Variants in USP37 observed in about 807,000 individuals in gnomAD.
USP37 encodes ubiquitin specific peptidase 37, also known as ubiquitin carboxyl-terminal hydrolase 37.
A neutral mutation model predicts 124.0 loss-of-function variants in USP37; 27 were observed. The observed-to-expected ratio is 0.22, with a 90% CI of 0.16 to 0.30. USP37 has a LOEUF of 0.30. Ranked by LOEUF, USP37 falls within the 10% of genes least tolerant of loss-of-function variation. The probability of loss-of-function intolerance (pLI) is 1.00; values close to 1 mark genes in which losing one functional copy is unlikely to be tolerated. For missense variants in USP37, 889 were observed against 1,140.4 expected, an observed-to-expected ratio of 0.78 and a Z score of 3.17; for synonymous variants, 365 against 388.0, an observed-to-expected ratio of 0.94 and a Z score of 0.70.
intron 4 of USP37, among the ~76,000 whole-genome samples, chr2:218,554,976 C>T (rs578051819): frequency 6.6e-6 from 1 of 152,136 alleles, no homozygotes; most frequent in Non-Finnish European, 1.5e-5. Flanking sequence ...AAGTTTCATT[C>T]AAAGATCATA....
chr2:218,565,817 G>T (rs1488513971), intron 1 of USP37, among the ~76,000 whole-genome samples: 1 of 152,194 alleles, frequency 6.6e-6, no homozygotes, highest in African/African-American at 2.4e-5. Context: ...GGGAGGCCGA[G>T]GCAGGTGGAT....
chr2:218,541,944 G>T (rs1260514121), intron 8 of USP37, among the ~76,000 whole-genome samples: 1 of 152,134 alleles, frequency 6.6e-6, no homozygotes, highest in Non-Finnish European at 1.5e-5. Flanking sequence ...GTTCTTCAGA[G>T]GACTGCATTT....
intron 5 of USP37, 72 bp from the exon 6 acceptor site, chr2:218,549,981 T>C (rs553423993): frequency 2.7e-6 from 3 of 1,130,736 alleles, no homozygotes; most frequent in African/African-American, 1.6e-5. Context: ...TTATCATTAT[T>C]ATTTTTATAT....
intron 20 of USP37, among the ~76,000 whole-genome samples, chr2:218,469,752 A>G (rs958241346): frequency 4.6e-5 from 7 of 152,164 alleles, no homozygotes; most frequent in Middle Eastern, 3.4e-3. Flanking sequence ...CCATGAAATA[A>G]TAATCCACTT....
At chr2:218,501,434 C>T (rs980201878) in intron 11 of USP37, among the ~76,000 whole-genome samples, 5 of 152,122 alleles carry the variant, frequency 3.3e-5, no homozygotes, top group African/African-American at 4.8e-5. Flanking sequence ...GAGAGAACTA[C>T]TGCTTCTGCT....
At chr2:218,494,652 T>A (rs1278346830) in intron 14 of USP37, among the ~76,000 whole-genome samples, 1 of 152,180 alleles carries the variant, frequency 6.6e-6, no homozygotes, top group Non-Finnish European at 1.5e-5. Context: ...TGTGTGAAAG[T>A]CATAGAAATA....
In USP37 at chr2:218,477,076, G is replaced by A. The variant is rs1479676051; in HGVS notation, c.1902-95C>T. 2.8e-5 allele frequency: 36 copies of A among 1,305,264 alleles called. No individual in the cohort carries two copies. In the South Asian group the frequency reaches 3.1e-4, roughly 11 times the overall value. The allele number at this position is 1,305,264 out of a possible 1,614,324, so 80.9% of individuals were successfully genotyped here. A position where few individuals can be genotyped will look rare whatever the true frequency, so the allele number is the denominator to read the frequency against. On this transcript the variant is annotated intron_variant, in intron 18 of 25. Transcript: ENST00000258399. ...TCAAAACAAATTGCTTTTCCATTAC[G>A]GAAAATTACTTAACAGAAAAAAAAG... is the stretch of plus-strand genomic sequence containing the variant.
intron 11 of USP37, among the ~76,000 whole-genome samples, chr2:218,503,497 C>A (rs1559191510): frequency 6.6e-6 from 1 of 152,154 alleles, no homozygotes; most frequent in Non-Finnish European, 1.5e-5. Context: ...GGGCAGATCA[C>A]CTGAGGTCAG....
intron 14 of USP37, among the ~76,000 whole-genome samples, chr2:218,488,854 C>T (rs900430146): frequency 6.6e-5 from 10 of 151,852 alleles, no homozygotes; most frequent in Non-Finnish European, 8.8e-5. Context: ...AGGCTGGTCT[C>T]GAACTCCCGA....
intron 18 of USP37, among the ~76,000 whole-genome samples, 164 bp downstream of exon 18, chr2:218,479,486 T>C (rs1485373440): frequency 6.6e-6 from 1 of 152,192 alleles, no homozygotes; most frequent in Non-Finnish European, 1.5e-5. Flanking sequence ...TATCCTTCAA[T>C]ATATTCTAAA....
chr2:218,455,679 G>A lies in USP37; in HGVS notation c.2753C>T (p.Ala918Val), dbSNP rs780874508. The A allele has an allele frequency of 2.5e-6, 4 of 1,613,990 alleles. No homozygotes were observed. Among genetic ancestry groups the A allele is most frequent in the South Asian group, 1.1e-5 (1 of 91,080 alleles). Residue 918 changes from alanine to valine, a missense_variant, in exon 25 of 26, where the codon GCG becomes GTG. Ala to Val is a moderately conservative substitution (Grantham distance 64, BLOSUM62 0). Coordinates refer to ENST00000258399, the MANE Select transcript of USP37 (RefSeq NM_020935.3). ...ISDVYDIKKQ[A>V]WFTYNDLEVS... ...CTCCAGGTCATTGTAAGTAAACCAC[G>A]CTTGCTTCTTAATGTCATATACATC...
intron 11 of USP37, among the ~76,000 whole-genome samples, chr2:218,506,282 CTGGCTT>C (rs200664580): frequency 0.012 from 1,448 of 121,350 alleles, 33 homozygotes; most frequent in African/African-American, 0.041. Context: ...TACTTTCTTT[CTGGCTT>C]TTTTTTTTTT....
intron 10 of USP37, chr2:218,528,880 G>A (rs1420000608): frequency 2.9e-6 from 1 of 349,548 alleles, no homozygotes; most frequent in African/African-American, 2.6e-5. Flanking sequence ...TATCCAACTA[G>A]CCTTTTCCAA....
chr2:218,513,498 A>AT (rs1432440737), intron 10 of USP37, among the ~76,000 whole-genome samples: 1 of 152,154 alleles, frequency 6.6e-6, no homozygotes, highest in Non-Finnish European at 1.5e-5. Context: ...GATAGTGAAC[A>AT]TATCTATTAC....
At chr2:218,486,795 G>A (rs964232586) in intron 15 of USP37, among the ~76,000 whole-genome samples, 7 of 151,662 alleles carry the variant, frequency 4.6e-5, no homozygotes, top group Non-Finnish European at 1.0e-4. Flanking sequence ...GCGCGATCTC[G>A]GCTCACTTCA....
chr2:218,556,615 G>C (rs1692996905), intron 4 of USP37, among the ~76,000 whole-genome samples: 1 of 134,560 alleles, frequency 7.4e-6, no homozygotes, highest in African/African-American at 2.7e-5. Flanking sequence ...CCGGATTCAA[G>C]CTATTCTCCT....
In USP37 at chr2:218,532,481, A is replaced by G. The variant is rs574732236; in HGVS notation, c.778+2128T>C. Reference sequence around the variant, plus strand: ...GACTCTGTCTCAAAAAAAAAAAAAAAAAAGAAAGAAAGAAATTGCCACAGC... The same window carrying G: ...GACTCTGTCTCAAAAAAAAAAAAAAGAAAGAAAGAAAGAAATTGCCACAGC... On this transcript the variant is annotated intron_variant, in intron 9 of 25. Coordinates refer to ENST00000258399, the MANE Select transcript of USP37 (RefSeq NM_020935.3). Among the ~76,000 whole-genome samples, 151 of 151,374 alleles carry G rather than the reference A, an allele frequency of 1.0e-3. 3 individuals are homozygous for G. In the East Asian group the frequency reaches 0.022, roughly 22 times the overall value.
intron 17 of USP37, among the ~76,000 whole-genome samples, chr2:218,480,095 G>T (rs56027693): frequency 0.043 from 6,509 of 151,480 alleles, 473 homozygotes; most frequent in African/African-American, 0.15. Flanking sequence ...GTAGTAAGTG[G>T]TGATCGCACC....
chr2:218,491,421 A>T (rs1691940277), intron 14 of USP37, among the ~76,000 whole-genome samples: 1 of 152,168 alleles, frequency 6.6e-6, no homozygotes, highest in African/African-American at 2.4e-5. Flanking sequence ...CCTTAATGAG[A>T]TAGAAGAGGA....
Sources: gnomAD v4.1 joint callset for allele counts (sites outside exome capture counted in the v4.1 genomes callset) on GRCh38, gnomAD v4.1.1 for gene constraint, MANE v1.5 for transcripts, NCBI Gene and HGNC (gene_info 2026-07-23, HGNC 2026-07-21) for gene names.